AGMO: variants seen among roughly 807,000 people sequenced by gnomAD.
AGMO encodes alkylglycerol monooxygenase, also known as glyceryl-ether monooxygenase.
A neutral mutation model predicts 60.2 loss-of-function variants in AGMO; 75 were observed. The ratio of observed to expected loss-of-function variants is 1.25; its 90% CI spans 1.03 to 1.51. The LOEUF is 1.51. Among genes scored for constraint, AGMO ranks in the 40% most tolerant of loss-of-function variants. The pLI is 0.00. For missense variants in AGMO, 763 were observed against 525.5 expected (o/e 1.45, Z -4.42); for synonymous variants, 261 against 177.1 (o/e 1.47, Z -3.76).
At chr7:15,512,771 T>C (rs1405553772) in intron 3 of AGMO, among the ~76,000 whole-genome samples, 8 of 152,216 alleles carry the variant, frequency 5.3e-5, no homozygotes, top group Non-Finnish European at 1.5e-5. Context: ...AATGTTAGCA[T>C]TGGCTCCAAG....
intron 12 of AGMO, among the ~76,000 whole-genome samples, chr7:15,335,611 T>C (rs1781634630): frequency 6.6e-6 from 1 of 152,164 alleles, no homozygotes; most frequent in Non-Finnish European, 1.5e-5. Context: ...AGACAGGCCC[T>C]GAAAATATAT....
chr7:15,544,799 A>T lies in AGMO; in HGVS notation c.382T>A (p.Tyr128Asn), dbSNP rs971387968. Residue 128 changes from tyrosine (Y) to asparagine (N), a missense_variant, in exon 3 of 13, where the codon TAC becomes AAC. Physicochemically the swap from Tyr to Asn is moderately radical, Grantham distance 143. Coordinates refer to ENST00000342526, the MANE Select transcript of AGMO (RefSeq NM_001004320.2). ...YSAFLGVDFG[Y>N]YWFHRMAHEV... Reference sequence around the variant, plus strand: ...TGAGCCATACGATGGAACCAGTAGTAGCCAAAGTCAACTCCTAAGAAGGCT... The same window carrying T: ...TGAGCCATACGATGGAACCAGTAGTTGCCAAAGTCAACTCCTAAGAAGGCT... The T allele has an allele frequency of 6.2e-7, 1 of 1,606,734 alleles. No individual in the cohort carries two copies. Among genetic ancestry groups the T allele is most frequent in the Non-Finnish European group, 8.5e-7 (1 of 1,176,640 alleles).
intron 4 of AGMO, among the ~76,000 whole-genome samples, chr7:15,423,219 G>A (rs951010051): frequency 6.6e-6 from 1 of 152,034 alleles, no homozygotes; most frequent in African/African-American, 2.4e-5. Context: ...TCCGAATTCA[G>A]AAACTAAAGA....
chr7:15,120,296 T>C, the AGMO span, among the ~76,000 whole-genome samples: 1 of 152,112 alleles, frequency 6.6e-6, no homozygotes, highest in Admixed American at 6.6e-5. Context: ...ATAAATCCAA[T>C]GGTTGATCCT....
At chr7:15,449,712 T>C (rs1159763289) in intron 3 of AGMO, among the ~76,000 whole-genome samples, 3 of 152,218 alleles carry the variant, frequency 2.0e-5, no homozygotes, top group African/African-American at 7.2e-5. Flanking sequence ...TGTTATAGTT[T>C]GCATTCTTTC....
the AGMO span, among the ~76,000 whole-genome samples, chr7:15,117,226 A>T: frequency 6.6e-6 from 1 of 152,036 alleles, no homozygotes; most frequent in Non-Finnish European, 1.5e-5. Context: ...AATAAAGGCA[A>T]ACATACAGCC....
intron 2 of AGMO, among the ~76,000 whole-genome samples, chr7:15,555,097 A>G (rs1162636250): frequency 6.6e-6 from 1 of 151,840 alleles, no homozygotes; most frequent in Non-Finnish European, 1.5e-5. Context: ...CACAACTGTC[A>G]TTATAGCTGA....
At chr7:15,518,566 C>G (rs530754155) in intron 3 of AGMO, among the ~76,000 whole-genome samples, 14 of 152,238 alleles carry the variant, frequency 9.2e-5, no homozygotes, top group Non-Finnish European at 2.1e-4. Context: ...TCCAGCAGAC[C>G]TGCAGAAGAG....
At chr7:15,395,562 C>T (rs142575012) in intron 5 of AGMO, among the ~76,000 whole-genome samples, 64 of 151,994 alleles carry the variant, frequency 4.2e-4, no homozygotes, top group African/African-American at 1.5e-3. Context: ...GAAATATACA[C>T]GACAGCTGAT....
At chr7:15,441,344 G>T (rs1201670644) in intron 3 of AGMO, among the ~76,000 whole-genome samples, 1 of 152,134 alleles carries the variant, frequency 6.6e-6, no homozygotes, top group African/African-American at 2.4e-5. Context: ...TTTTTATGTT[G>T]CATGAAAATC....
At chr7:15,331,273 T>C (rs1222582056) in intron 12 of AGMO, among the ~76,000 whole-genome samples, 1 of 152,194 alleles carries the variant, frequency 6.6e-6, no homozygotes, top group African/African-American at 2.4e-5. Flanking sequence ...GAATTCCTAA[T>C]CAATAGAAGC....
Position 15,340,539 on chromosome 7 carries a change from G to A in AGMO, c.1263+24975C>T, listed in dbSNP as rs544133913. Among the ~76,000 whole-genome samples, 16 of 152,242 alleles carry A rather than the reference G, an allele frequency of 1.1e-4. No homozygotes were observed. In the East Asian group the frequency reaches 3.1e-3, roughly 30 times the overall value. On this transcript the variant is annotated intron_variant, in intron 12 of 12. Transcript: ENST00000342526. ...TACCCTCCTGCTGTGTGCAGCCTCA[G>A]CACTTGGTGCCCTGTGTCCCAGCCA...
At chr7:15,553,261 T>A (rs534457161) in intron 2 of AGMO, among the ~76,000 whole-genome samples, 2 of 151,678 alleles carry the variant, frequency 1.3e-5, no homozygotes, top group Non-Finnish European at 2.9e-5. Flanking sequence ...GCATGGCACA[T>A]GTATACATAT....
At position 15,561,716 on chromosome 7, in the gene AGMO, T is replaced by A; in HGVS notation, c.126+4A>T. On this transcript the variant is annotated splice_donor_region_variant and intron_variant, in intron 1 of 12. Transcript: ENST00000342526. ...AAGAGTAGCCTCTTCCAATAAAGTC[T>A]CACCTTTTTTACATAATCAGGCACC... 6.2e-7 allele frequency: 1 copy of A among 1,602,088 alleles called. No individual in the cohort carries two copies. The highest frequency in any genetic ancestry group is 8.5e-7 in the Non-Finnish European group (1 of 1,173,044).
chr7:15,314,623 A>G (rs189630441), intron 12 of AGMO, among the ~76,000 whole-genome samples: 68 of 152,300 alleles, frequency 4.5e-4, no homozygotes, highest in East Asian at 3.5e-3. Context: ...TATTTATGAC[A>G]TATCAAAAAA....
At chr7:15,303,487 C>T (rs954010655) in intron 12 of AGMO, among the ~76,000 whole-genome samples, 1 of 151,364 alleles carries the variant, frequency 6.6e-6, no homozygotes, top group Non-Finnish European at 1.5e-5. Flanking sequence ...GGTTTCTTTT[C>T]TGGAAACAGG....
rs1178276622 is a variant in AGMO at position 15,315,328 on chromosome 7, C to CTTTTTT, written c.1263+50180_1263+50185dup. On this transcript the variant is annotated intron_variant, in intron 12 of 12. Coordinates refer to ENST00000342526, the MANE Select transcript of AGMO (RefSeq NM_001004320.2). ...TAAGCAAAACTTACATGGATATTTG[C>CTTTTTT]TTTTTTTTTTTTTTTTTTTTTTTTT... is the stretch of plus-strand genomic sequence containing the variant. 9.8e-4 allele frequency among the ~76,000 whole-genome samples: 47 copies of CTTTTTT among 48,200 alleles called. 11 individuals carry two copies. Among genetic ancestry groups the CTTTTTT allele is most frequent in the African/African-American group, 1.6e-3 (21 of 13,200 alleles). The allele number at this position is 48,200 out of a possible 152,430, so 31.6% of individuals were successfully genotyped here.
chr7:15,202,487 A>C (rs1014038742), intron 12 of AGMO, among the ~76,000 whole-genome samples: 45 of 139,434 alleles, frequency 3.2e-4, no homozygotes, highest in African/African-American at 1.1e-3. Context: ...AAAAAAAAAA[A>C]AACCCTCCCA....
intron 5 of AGMO, among the ~76,000 whole-genome samples, chr7:15,418,046 T>G (rs1310332036): frequency 1.3e-5 from 2 of 152,128 alleles, no homozygotes; most frequent in Admixed American, 6.6e-5. Context: ...TTCAGGTTTT[T>G]TTGGAAAAAA....
Sources: gnomAD v4.1 joint callset for allele counts (sites outside exome capture counted in the v4.1 genomes callset) on GRCh38, gnomAD v4.1.1 for gene constraint, MANE v1.5 for transcripts, NCBI Gene and HGNC (gene_info 2026-07-23, HGNC 2026-07-21) for gene names.